The following RBMS3 variants were observed in gnomAD, a reference collection of about 807,000 sequenced individuals.
RBMS3 encodes the protein RNA binding motif single stranded interacting protein 3, also known as RNA-binding motif, single-stranded-interacting protein 3.
In RBMS3, 27 loss-of-function variants were observed where a neutral mutation model predicts 66.8. The observed-to-expected ratio is 0.40, with a 90% confidence interval of 0.30 to 0.56. The LOEUF (loss-of-function observed/expected upper bound fraction) is 0.56, where lower values mean the gene tolerates loss of function less well. Ranked by LOEUF, RBMS3 falls within the 20% of genes least tolerant of loss-of-function variation. The pLI is 0.40. For missense variants in RBMS3, 513 were observed against 549.5 expected (o/e 0.93, Z 0.66); for synonymous variants, 188 against 183.0 (o/e 1.03, Z -0.22).
At chr3:29,720,828 G>C (rs568195258) in intron 4 of RBMS3, among the ~76,000 whole-genome samples, 2 of 152,152 alleles carry the variant, frequency 1.3e-5, no homozygotes, top group South Asian at 4.1e-4. Flanking sequence ...ATTTATATCT[G>C]TAATTATCTG....
chr3:29,719,714 C>T (rs1330045755), intron 4 of RBMS3, among the ~76,000 whole-genome samples: 1 of 152,124 alleles, frequency 6.6e-6, no homozygotes, highest in Non-Finnish European at 1.5e-5. Context: ...AAGTCAAAAC[C>T]CTGAGATCAT....
chr3:29,647,237 C>A (rs2049956698), intron 4 of RBMS3, among the ~76,000 whole-genome samples: 2 of 152,154 alleles, frequency 1.3e-5, no homozygotes, highest in African/African-American at 4.8e-5. Context: ...CCTCGGCCAC[C>A]CAAAGTGCTG....
chr3:29,486,996 A>C (rs1190964217), intron 2 of RBMS3, among the ~76,000 whole-genome samples: 1 of 152,108 alleles, frequency 6.6e-6, no homozygotes, highest in East Asian at 1.9e-4. Flanking sequence ...AGATGCAGTG[A>C]CATTTTCTTC....
At chr3:29,797,366 C>T (rs954711690) in intron 6 of RBMS3, among the ~76,000 whole-genome samples, 3 of 152,162 alleles carry the variant, frequency 2.0e-5, no homozygotes, top group Admixed American at 6.5e-5. Context: ...CCTCTCGTAG[C>T]CTTCATAGAG....
chr3:29,707,224 T>C (rs768729740), intron 4 of RBMS3, among the ~76,000 whole-genome samples: 12 of 152,228 alleles, frequency 7.9e-5, no homozygotes, highest in South Asian at 2.1e-4. Context: ...GTACTTTAGA[T>C]AGATTATGCC....
At chr3:29,443,972 T>C (rs936833834) in intron 2 of RBMS3, among the ~76,000 whole-genome samples, 10 of 152,196 alleles carry the variant, frequency 6.6e-5, no homozygotes, top group East Asian at 3.9e-4. Context: ...ATGAAAAGGA[T>C]TGTGGAAAGT....
chr3:29,405,289 C>A (rs369258774), intron 1 of RBMS3, among the ~76,000 whole-genome samples: 63 of 152,276 alleles, frequency 4.1e-4, no homozygotes, highest in African/African-American at 1.5e-3. Context: ...ACCATGTTTA[C>A]GCTTTTGAAT....
At chr3:29,708,750 G>T (rs2053023506) in intron 4 of RBMS3, among the ~76,000 whole-genome samples, 1 of 152,160 alleles carries the variant, frequency 6.6e-6, no homozygotes, top group Non-Finnish European at 1.5e-5. Context: ...GATCTATTAG[G>T]AATCATCATA....
intron 3 of RBMS3, among the ~76,000 whole-genome samples, chr3:29,553,159 TA>T (rs2046232956): frequency 6.6e-6 from 1 of 152,186 alleles, no homozygotes; most frequent in South Asian, 2.1e-4. Context: ...ATTCCCAAGT[TA>T]CTAATGTGTA....
intron 4 of RBMS3, among the ~76,000 whole-genome samples, chr3:29,696,392 G>A (rs1348331535): frequency 1.3e-5 from 2 of 151,904 alleles, no homozygotes. Context: ...CATTATTATT[G>A]CAAGCTAATT....
chr3:29,995,557 G>A (rs187613397), intron 14 of RBMS3, among the ~76,000 whole-genome samples: 8,564 of 148,552 alleles, frequency 0.058, 819 homozygotes, highest in African/African-American at 0.2. Flanking sequence ...CAGACTAACA[G>A]CGGATCTCTC....
chr3:29,930,109 C>CTTTCTTTCTTTTTTT lies in RBMS3; in HGVS notation c.940-5974_940-5973insCTTTCTTTTTTTTTT, dbSNP rs71091082. On this transcript the variant is annotated intron_variant, in intron 10 of 14. Transcript: ENST00000383767. ...TACTTTGTGTCACTTTTCTTTCTTT[C>CTTTCTTTCTTTTTTT]TTTTTTTTTTTTTTTTTTTTGAGAT... 2.4e-3 allele frequency among the ~76,000 whole-genome samples: 102 copies of CTTTCTTTCTTTTTTT among 43,252 alleles called. 6 individuals are homozygous for CTTTCTTTCTTTTTTT. The highest frequency in any genetic ancestry group is 3.5e-3 in the African/African-American group (55 of 15,674). 28.4% of individuals were successfully genotyped at this position (43,252 alleles called of 152,430 possible). A position where few individuals can be genotyped will look rare whatever the true frequency, so the allele number is the denominator to read the frequency against.
intron 14 of RBMS3, among the ~76,000 whole-genome samples, chr3:29,998,089 A>G (rs1393651421): frequency 1.3e-5 from 2 of 152,232 alleles, no homozygotes; most frequent in African/African-American, 2.4e-5. Flanking sequence ...TACAAAATCA[A>G]TGTACAAAAA....
intron 4 of RBMS3, among the ~76,000 whole-genome samples, chr3:29,720,041 G>A (rs2149319149): frequency 6.6e-6 from 1 of 151,886 alleles, no homozygotes; most frequent in Non-Finnish European, 1.5e-5. Flanking sequence ...GACCCACATG[G>A]CCCACAAGGC....
Position 29,654,283 on chromosome 3 carries a change from G to A in RBMS3, c.399+67078G>A, listed in dbSNP as rs77549675. Among the ~76,000 whole-genome samples, 39 of 152,240 alleles carry A rather than the reference G, an allele frequency of 2.6e-4. 1 individual carries two copies. The East Asian group carries it at 7.5e-3, about 29-fold the overall frequency. On this transcript the variant is annotated intron_variant, in intron 4 of 14. Coordinates refer to ENST00000383767, the MANE Select transcript of RBMS3 (RefSeq NM_001003793.3). ...AGAGATTTGGTGATGAAAGAATCTA[G>A]ATTTCTTAACTCCTTATTAATACGT...
At position 29,853,361 on chromosome 3, in the gene RBMS3, A is replaced by C. The variant is rs143601378; in HGVS notation, c.638-15497A>C. On this transcript the variant is annotated intron_variant, in intron 6 of 14. Coordinates refer to ENST00000383767, the MANE Select transcript of RBMS3 (RefSeq NM_001003793.3). ...TTGGTAACTATGTAATTTTCCTTTA[A>C]CAAGTTCATCTGCTTTTTAGAAATT... 3.3e-3 allele frequency among the ~76,000 whole-genome samples: 507 copies of C among 152,018 alleles called. 4 individuals are homozygous for C. Among genetic ancestry groups the C allele is most frequent in the Non-Finnish European group, 5.5e-3 (377 of 67,992 alleles).
chr3:29,769,458 A>G (rs563844575), intron 6 of RBMS3, among the ~76,000 whole-genome samples: 1 of 152,044 alleles, frequency 6.6e-6, no homozygotes, highest in Admixed American at 6.6e-5. Context: ...AGTGAAAAAG[A>G]TCTTTAGTCG....
intron 1 of RBMS3, among the ~76,000 whole-genome samples, chr3:29,405,201 T>C (rs1431743327): frequency 6.6e-6 from 1 of 152,262 alleles, no homozygotes; most frequent in East Asian, 1.9e-4. Flanking sequence ...ATAAGTTATC[T>C]GGAAACTTTT....
intron 4 of RBMS3, among the ~76,000 whole-genome samples, chr3:29,714,845 T>A (rs955361757): frequency 1.3e-5 from 2 of 152,088 alleles, no homozygotes; most frequent in African/African-American, 4.8e-5. Context: ...AAACTTGGCC[T>A]GTAATGAATA....
Sources: allele counts gnomAD v4.1 joint callset (sites outside exome capture counted in the v4.1 genomes callset), GRCh38; gene constraint gnomAD v4.1.1; transcripts MANE v1.5; gene names NCBI Gene and HGNC (gene_info 2026-07-23, HGNC 2026-07-21).